Variants in FRMD4A observed in about 807,000 individuals in gnomAD.
The protein encoded by FRMD4A is FERM domain containing 4A, also known as FERM domain-containing protein 4A.
FRMD4A carries 29 observed loss-of-function variants against 129.1 expected under a neutral mutation model. That is an observed-to-expected ratio of 0.22 (90% CI 0.17 to 0.31). The LOEUF (loss-of-function observed/expected upper bound fraction) is 0.31. FRMD4A is among the 10% of genes least tolerant of loss of function. FRMD4A has a pLI of 1.00. For synonymous variants in FRMD4A, 634 were observed against 571.6 expected (o/e 1.11, Z -1.56); for missense variants, 1,272 against 1,375.8 (o/e 0.92, Z 1.19).
At chr10:14,147,615 G>T (rs80351888) in intron 2 of FRMD4A, among the ~76,000 whole-genome samples, 1,941 of 152,132 alleles carry the variant, frequency 0.013, 39 homozygotes, top group African/African-American at 0.044. Context: ...TTCTCATAAG[G>T]AACGTGCGAC....
At chr10:14,285,101 G>C (rs138747874) in intron 2 of FRMD4A, among the ~76,000 whole-genome samples, 54 of 152,336 alleles carry the variant, frequency 3.5e-4, no homozygotes, top group African/African-American at 1.3e-3. Context: ...ATTGTATGGA[G>C]TAGGGTTTAA....
intron 3 of FRMD4A, among the ~76,000 whole-genome samples, chr10:13,851,070 C>G (rs564557594): frequency 4.6e-5 from 7 of 152,196 alleles, no homozygotes; most frequent in African/African-American, 1.7e-4. Context: ...AAAAATTAGC[C>G]GGGCATGATG....
intron 2 of FRMD4A, among the ~76,000 whole-genome samples, chr10:14,292,661 G>A (rs941216084): frequency 1.3e-4 from 20 of 152,092 alleles, no homozygotes; most frequent in Admixed American, 2.6e-4. Flanking sequence ...TTAGCTGGGC[G>A]TGGTGGTGGG....
At chr10:13,779,061 G>A (rs192798720) in intron 6 of FRMD4A, among the ~76,000 whole-genome samples, 2 of 152,158 alleles carry the variant, frequency 1.3e-5, no homozygotes, top group South Asian at 2.1e-4. Flanking sequence ...GCTCATGCCT[G>A]TAATCTCAGC....
rs1843459857 is a variant in FRMD4A at position 14,330,138 on chromosome 10, G to A, written c.-36C>T. 3.2e-6 allele frequency: 5 copies of A among 1,550,162 alleles called. No homozygotes were observed. The highest frequency in any genetic ancestry group is 2.7e-5 in the African/African-American group (2 of 72,964). On this transcript the variant is annotated 5_prime_UTR_variant, in exon 2 of 25. Transcript: ENST00000357447. ...TCCCATGCACGAATCCTGCTGCCGA[G>A]TCAGTCCTCCTGGGCCCCGGGTGGC...
intron 2 of FRMD4A, among the ~76,000 whole-genome samples, chr10:14,146,204 A>C (rs1840066837): frequency 6.6e-6 from 1 of 152,228 alleles, no homozygotes; most frequent in African/African-American, 2.4e-5. Flanking sequence ...ATAGTAAGTT[A>C]CAACAAACAT....
At chr10:14,119,669 C>T (rs1042573938) in intron 2 of FRMD4A, among the ~76,000 whole-genome samples, 3 of 152,150 alleles carry the variant, frequency 2.0e-5, no homozygotes, top group African/African-American at 7.2e-5. Context: ...TTGGGCTGCT[C>T]TCTGCTCTGA....
At chr10:13,808,312 T>G (rs1481192907) in intron 4 of FRMD4A, among the ~76,000 whole-genome samples, 2 of 152,198 alleles carry the variant, frequency 1.3e-5, no homozygotes, top group East Asian at 3.8e-4. Context: ...GTAGCACCTG[T>G]ATAAAGCACA....
At chr10:13,709,349 C>A (rs564358558) in intron 12 of FRMD4A, among the ~76,000 whole-genome samples, 1 of 152,254 alleles carries the variant, frequency 6.6e-6, no homozygotes, top group African/African-American at 2.4e-5. Flanking sequence ...AAAAATAACC[C>A]CTCTAAGGTA....
At chr10:14,000,331 G>A (rs1274995056) in intron 2 of FRMD4A, among the ~76,000 whole-genome samples, 1 of 152,082 alleles carries the variant, frequency 6.6e-6, no homozygotes, top group African/African-American at 2.4e-5. Context: ...TAAGAGATCT[G>A]TTTCAAAGCA....
chr10:14,265,669 G>A (rs1844952386), intron 2 of FRMD4A, among the ~76,000 whole-genome samples: 1 of 152,202 alleles, frequency 6.6e-6, no homozygotes, highest in South Asian at 2.1e-4. Context: ...AGTGGCCCAT[G>A]TATCAACATG....
chr10:13,754,160 T>A (rs74582070), intron 8 of FRMD4A, among the ~76,000 whole-genome samples: 1 of 152,100 alleles, frequency 6.6e-6, no homozygotes, highest in African/African-American at 2.4e-5. Flanking sequence ...TTCACAGGTA[T>A]AACTGAAAAT....
At chr10:14,322,047 A>T (rs1843078767) in intron 2 of FRMD4A, among the ~76,000 whole-genome samples, 1 of 152,168 alleles carries the variant, frequency 6.6e-6, no homozygotes, top group African/African-American at 2.4e-5. Context: ...TTCTCCAGCC[A>T]GGCTTCCTAT....
rs1286449818 is a variant in FRMD4A at position 13,884,156 on chromosome 10, T to TCACA, written c.46-25248_46-25245dup. ...CGCTCACACACACTCTCACACACTC[T>TCACA]CACACACACACTCACACACTCACAC... On this transcript the variant is annotated intron_variant, in intron 2 of 24. Transcript: ENST00000357447. Among the ~76,000 whole-genome samples, 25 of 29,646 alleles carry TCACA rather than the reference T, an allele frequency of 8.4e-4. No individual in the cohort carries two copies. In the South Asian group the frequency reaches 9.0e-3, roughly 11 times the overall value. The allele number at this position is 29,646 out of a possible 152,430, so 19.4% of individuals were successfully genotyped here. A position where few individuals can be genotyped will look rare whatever the true frequency, so the allele number is the denominator to read the frequency against.
chr10:13,857,113 C>G (rs2094224191), intron 3 of FRMD4A, among the ~76,000 whole-genome samples: 2 of 152,128 alleles, frequency 1.3e-5, no homozygotes, highest in Non-Finnish European at 2.9e-5. Context: ...AGAGTCTAGC[C>G]TAAAACAGCC....
intron 2 of FRMD4A, among the ~76,000 whole-genome samples, chr10:14,092,353 G>T (rs530856752): frequency 9.2e-5 from 14 of 152,324 alleles, no homozygotes; most frequent in Middle Eastern, 3.4e-3. Flanking sequence ...TGCACACTCT[G>T]GTGTCTTCAG....
Position 13,773,785 on chromosome 10 carries a change from G to A in FRMD4A, c.384+9137C>T, listed in dbSNP as rs2092524479. Among the ~76,000 whole-genome samples the A allele has an allele frequency of 2.0e-5, 3 of 152,206 alleles. No individual in the cohort carries two copies. In the South Asian group the frequency reaches 6.2e-4, roughly 32 times the overall value. Reference sequence around the variant, plus strand: ...CCAGAAAGTGCGGGAAGAGCTGAGGGTCCACATTCCCTGACTCGCTCCTGT... The same window carrying A: ...CCAGAAAGTGCGGGAAGAGCTGAGGATCCACATTCCCTGACTCGCTCCTGT... On this transcript the variant is annotated intron_variant, in intron 6 of 24. Coordinates refer to ENST00000357447, the MANE Select transcript of FRMD4A (RefSeq NM_018027.5).
chr10:13,740,103 G>C, intron 11 of FRMD4A, 91 bp downstream of exon 11: 3 of 816,278 alleles, frequency 3.7e-6, no homozygotes, highest in Non-Finnish European at 6.3e-6. Flanking sequence ...TATCTCAAAA[G>C]AAAAAGAAAA....
Position 14,326,155 on chromosome 10 carries a change from C to T in FRMD4A, c.45+3903G>A. 1.3e-5 allele frequency: 2 copies of T among 152,142 alleles called. 1 individual carries two copies. Among genetic ancestry groups the T allele is most frequent in the East Asian group, 3.8e-4 (2 of 5,198 alleles). 9.4% of individuals were successfully genotyped at this position (152,142 alleles called of 1,614,324 possible). A position where few individuals can be genotyped will look rare whatever the true frequency, so the allele number is the denominator to read the frequency against. On this transcript the variant is annotated intron_variant, in intron 2 of 24. Coordinates refer to ENST00000357447, the MANE Select transcript of FRMD4A (RefSeq NM_018027.5). ...AATATTTTTTCTTGCTAGAGTCAAG[C>T]CAGACATCTTGAGCCAGACTTGTGG... is the stretch of plus-strand genomic sequence containing the variant.
Sources: allele counts gnomAD v4.1 joint callset (sites outside exome capture counted in the v4.1 genomes callset), GRCh38; gene constraint gnomAD v4.1.1; transcripts MANE v1.5; gene names NCBI Gene and HGNC (gene_info 2026-07-23, HGNC 2026-07-21).